Variants in NELL1 observed in about 807,000 individuals in gnomAD.
NELL1 encodes protein kinase C-binding protein NELL1.
Under a neutral mutation model 107.4 loss-of-function variants are expected in NELL1, and 76 were observed. That is an observed-to-expected ratio of 0.71 (90% CI 0.59 to 0.86). The LOEUF is 0.86. NELL1 is among the 40% of genes least tolerant of loss of function. NELL1 has a pLI of 0.00. For missense variants in NELL1, 1,024 were observed against 1,005.5 expected, an observed-to-expected ratio of 1.02 and a Z score of -0.25; for synonymous variants, 353 against 341.2, an observed-to-expected ratio of 1.03 and a Z score of -0.38.
At chr11:21,049,568 A>G (rs1017275927) in intron 12 of NELL1, among the ~76,000 whole-genome samples, 1 of 152,154 alleles carries the variant, frequency 6.6e-6, no homozygotes, top group South Asian at 2.1e-4. Context: ...ACTAGATTGC[A>G]TTTGATTAAA....
chr11:20,901,420 A>C (rs1849871028), intron 5 of NELL1, among the ~76,000 whole-genome samples: 1 of 152,130 alleles, frequency 6.6e-6, no homozygotes, highest in African/African-American at 2.4e-5. Context: ...AAAATTATGA[A>C]ATTTTATGAA....
intron 2 of NELL1, among the ~76,000 whole-genome samples, chr11:20,689,053 C>T (rs568134146): frequency 3.9e-5 from 6 of 151,940 alleles, no homozygotes; most frequent in East Asian, 3.9e-4. Flanking sequence ...GCTTATTGGC[C>T]GCTTATATGT....
chr11:21,196,553 C>T (rs1857157675), intron 13 of NELL1, among the ~76,000 whole-genome samples: 1 of 152,038 alleles, frequency 6.6e-6, no homozygotes, highest in African/African-American at 2.4e-5. Flanking sequence ...TCATCTAAGT[C>T]TTCATTTATG....
chr11:21,055,913 C>A (rs969579010), intron 12 of NELL1, among the ~76,000 whole-genome samples: 5 of 152,054 alleles, frequency 3.3e-5, no homozygotes, highest in African/African-American at 1.2e-4. Context: ...GAAAGGAGGG[C>A]TAAACAGCAA....
chr11:20,716,378 A>G (rs1855250966), intron 2 of NELL1, among the ~76,000 whole-genome samples: 1 of 152,270 alleles, frequency 6.6e-6, no homozygotes, highest in Admixed American at 6.5e-5. Context: ...GCTATTAGCA[A>G]CAACCCTGTA....
chr11:20,681,811 G>A (rs1162649076), intron 2 of NELL1, among the ~76,000 whole-genome samples: 1 of 152,070 alleles, frequency 6.6e-6, no homozygotes, highest in Non-Finnish European at 1.5e-5. Context: ...TTCATTGCCT[G>A]TTGGAGCTTC....
At chr11:21,152,774 A>G (rs1856147825) in intron 13 of NELL1, among the ~76,000 whole-genome samples, 1 of 152,182 alleles carries the variant, frequency 6.6e-6, no homozygotes, top group Non-Finnish European at 1.5e-5. Flanking sequence ...AAGAATGACC[A>G]TGAAAATGAA....
chr11:20,982,865 G>T (rs1242403044), intron 12 of NELL1, among the ~76,000 whole-genome samples: 1 of 152,174 alleles, frequency 6.6e-6, no homozygotes, highest in Non-Finnish European at 1.5e-5. Context: ...CTACTTGAAT[G>T]ATTTCTATGG....
chr11:21,542,172 C>A (rs78373795), intron 16 of NELL1, among the ~76,000 whole-genome samples: 1,850 of 152,172 alleles, frequency 0.012, 40 homozygotes, highest in East Asian at 0.077. Flanking sequence ...AGGAGGAAAG[C>A]CCTCTTACTA....
intron 14 of NELL1, among the ~76,000 whole-genome samples, chr11:21,246,132 G>A (rs551170677): frequency 8.5e-5 from 13 of 152,154 alleles, no homozygotes; most frequent in South Asian, 2.1e-4. Context: ...TATATTGAGC[G>A]TCTATATGTC....
At position 20,938,716 on chromosome 11, in the gene NELL1, C is replaced by T. The variant is rs546530355; in HGVS notation, c.1071+857C>T. 3.6e-4 allele frequency among the ~76,000 whole-genome samples: 55 copies of T among 152,146 alleles called. No individual in the cohort carries two copies. In the South Asian group the frequency reaches 0.011, roughly 30 times the overall value. ...CAGAAGGAATTGCACTTATAAATGC[C>T]TAAAGCAATAAAGGGAGCAGGTTTT... On this transcript the variant is annotated intron_variant, in intron 10 of 19. Transcript: ENST00000357134.
In NELL1 at chr11:20,755,865, G is replaced by GTTTTTTT. The variant is rs574606148; in HGVS notation, c.185-27778_185-27772dup. Among the ~76,000 whole-genome samples the GTTTTTTT allele has an allele frequency of 6.5e-4, 79 of 122,068 alleles. 1 individual carries two copies. Among genetic ancestry groups the GTTTTTTT allele is most frequent in the Non-Finnish European group, 9.8e-4 (58 of 59,446 alleles). The allele number at this position is 122,068 out of a possible 152,430, so 80.1% of individuals were successfully genotyped here. A position where few individuals can be genotyped will look rare whatever the true frequency, so the allele number is the denominator to read the frequency against. On this transcript the variant is annotated intron_variant, in intron 2 of 19. Transcript: ENST00000357134. Reference sequence around the variant, plus strand: ...GCCACCACGCCCAGCCAGACCTGCGGTTTTTTTTTTTTTTTTTTTTTTTTT... The same window carrying GTTTTTTT: ...GCCACCACGCCCAGCCAGACCTGCGGTTTTTTTTTTTTTTTTTTTTTTTTTTTTTTTT...
intron 14 of NELL1, among the ~76,000 whole-genome samples, chr11:21,344,379 G>T (rs1366483866): frequency 1.3e-5 from 2 of 152,144 alleles, no homozygotes; most frequent in Non-Finnish European, 2.9e-5. Flanking sequence ...ATACATGTGG[G>T]CACTGGGCTT....
intron 15 of NELL1, among the ~76,000 whole-genome samples, chr11:21,520,995 AC>A (rs1215279773): frequency 6.6e-6 from 1 of 152,236 alleles, no homozygotes; most frequent in Non-Finnish European, 1.5e-5. Context: ...TTATGTTGGT[AC>A]TAATCCTATC....
intron 14 of NELL1, among the ~76,000 whole-genome samples, chr11:21,232,144 A>AAAT (rs1199085994): frequency 4.8e-4 from 16 of 33,308 alleles, no homozygotes; most frequent in African/African-American, 1.4e-3. Flanking sequence ...TACTAAAAAA[A>AAAT]AATAAAAAAA....
At chr11:21,247,626 A>G (rs1590769955) in intron 14 of NELL1, among the ~76,000 whole-genome samples, 2 of 152,214 alleles carry the variant, frequency 1.3e-5, no homozygotes, top group African/African-American at 4.8e-5. Context: ...TGAAGGACCT[A>G]CGTGGGGTAT....
At chr11:20,751,770 G>A (rs546999866) in intron 2 of NELL1, among the ~76,000 whole-genome samples, 6 of 152,252 alleles carry the variant, frequency 3.9e-5, no homozygotes, top group East Asian at 3.9e-4. Context: ...GATTACAGAC[G>A]TTAATCACCA....
In NELL1 at chr11:20,669,641, A is replaced by T; in HGVS notation, c.-83A>T. On this transcript the variant is annotated 5_prime_UTR_variant, in exon 1 of 20. Coordinates refer to ENST00000357134, the MANE Select transcript of NELL1 (RefSeq NM_006157.5). This position sits in a 1 kb window ranked among gnomAD's most constrained non-coding sequence, Gnocchi z 4.4. Reference sequence around the variant, plus strand: ...GCCCGCTAGCAAGTTTGGCGGCTCCAAGCCAGGCGCGCCTCAGGATCCAGG... The same window carrying T: ...GCCCGCTAGCAAGTTTGGCGGCTCCTAGCCAGGCGCGCCTCAGGATCCAGG... 7.9e-7 allele frequency: 1 copy of T among 1,273,778 alleles called. No homozygotes were observed. The highest frequency in any genetic ancestry group is 1.1e-6 in the Non-Finnish European group (1 of 881,808). 78.9% of individuals were successfully genotyped at this position (1,273,778 alleles called of 1,614,324 possible).
At chr11:21,276,886 C>A (rs551962254) in intron 14 of NELL1, among the ~76,000 whole-genome samples, 1 of 152,124 alleles carries the variant, frequency 6.6e-6, no homozygotes, top group South Asian at 2.1e-4. Flanking sequence ...ACATCTTATA[C>A]AAAAATTAAT....
Sources: allele counts gnomAD v4.1 joint callset (sites outside exome capture counted in the v4.1 genomes callset), GRCh38; gene constraint gnomAD v4.1.1; non-coding constraint Gnocchi (gnomAD v3.1); transcripts MANE v1.5; gene names NCBI Gene and HGNC (gene_info 2026-07-23, HGNC 2026-07-21).